The following MPRIP variants were observed in gnomAD, a reference collection of about 807,000 sequenced individuals.
MPRIP encodes myosin phosphatase Rho-interacting protein.
A neutral mutation model predicts 234.9 loss-of-function variants in MPRIP; 59 were observed. The observed-to-expected ratio is 0.25, with a 90% CI of 0.20 to 0.31. The LOEUF (loss-of-function observed/expected upper bound fraction) is 0.31. Among genes scored for constraint, MPRIP ranks in the 10% least tolerant of loss-of-function variants. The pLI is 1.00. For missense variants in MPRIP, 2,436 were observed against 3,071.0 expected (o/e 0.79, Z 4.89); for synonymous variants, 1,144 against 1,263.9 (o/e 0.91, Z 2.01).
At chr17:17,123,378 T>C (rs1258954840) in intron 3 of MPRIP, among the ~76,000 whole-genome samples, 1 of 152,112 alleles carries the variant, frequency 6.6e-6, no homozygotes, top group Admixed American at 6.5e-5. Context: ...AAAGAAAAGT[T>C]AGGCCAGGGG....
chr17:17,115,417 G>A (rs993126302), intron 3 of MPRIP, among the ~76,000 whole-genome samples: 1 of 152,186 alleles, frequency 6.6e-6, no homozygotes, highest in East Asian at 1.9e-4. Flanking sequence ...GGTGTAGAGG[G>A]CCTTCCAGGC....
intron 3 of MPRIP, among the ~76,000 whole-genome samples, chr17:17,091,952 T>G (rs1208871192): frequency 6.6e-6 from 1 of 152,202 alleles, no homozygotes. Context: ...AGAGGTCCAG[T>G]TGAATATTGT....
chr17:17,096,710 G>C (rs1285528357), intron 3 of MPRIP: 1 of 470,168 alleles, frequency 2.1e-6, no homozygotes, highest in African/African-American at 2.0e-5. Flanking sequence ...CTGGGGCTCA[G>C]CCCTGTCCTT....
chr17:17,108,989 C>T (rs530064699), intron 3 of MPRIP, among the ~76,000 whole-genome samples: 4 of 152,302 alleles, frequency 2.6e-5, no homozygotes, highest in East Asian at 3.9e-4. Flanking sequence ...CTTCTCCCGC[C>T]GGCTGTGGTG....
At chr17:17,183,910 G>A (rs1237277483) in intron 23 of MPRIP, among the ~76,000 whole-genome samples, 1 of 152,234 alleles carries the variant, frequency 6.6e-6, no homozygotes, top group Non-Finnish European at 1.5e-5. Context: ...AGTAAAGCCT[G>A]TACCTGCACC....
intron 3 of MPRIP, among the ~76,000 whole-genome samples, chr17:17,109,501 C>G (rs914015208): frequency 1.3e-5 from 2 of 152,238 alleles, no homozygotes; most frequent in East Asian, 1.9e-4. Context: ...GGAGGCTAGA[C>G]TGATCCACGG....
intron 1 of MPRIP, among the ~76,000 whole-genome samples, chr17:17,067,691 T>A (rs530172392): frequency 5.8e-4 from 88 of 152,182 alleles, no homozygotes; most frequent in Non-Finnish European, 1.1e-3. Context: ...TTTTAAAAAA[T>A]TTTGGGGTTT....
intron 1 of MPRIP, among the ~76,000 whole-genome samples, chr17:17,067,925 A>G (rs971429954): frequency 1.3e-5 from 2 of 150,882 alleles, no homozygotes; most frequent in African/African-American, 4.9e-5. Flanking sequence ...TACATATTCA[A>G]TTTCCTTAAT....
chr17:17,178,742 C>G (rs1275311931), intron 22 of MPRIP: 1 of 151,742 alleles, frequency 6.6e-6, no homozygotes, highest in Non-Finnish European at 1.5e-5. Context: ...TGGCAAAACC[C>G]TGTCTCTACA....
chr17:17,054,331 G>A (rs1435151507), intron 1 of MPRIP, among the ~76,000 whole-genome samples: 1 of 152,224 alleles, frequency 6.6e-6, no homozygotes, highest in East Asian at 1.9e-4. Context: ...GCTTCTTACT[G>A]CATAGTTTAT....
At chr17:17,168,191 CT>C (rs1270647279) in intron 16 of MPRIP, 1 of 313,630 alleles carries the variant, frequency 3.2e-6, no homozygotes, top group Non-Finnish European at 6.3e-6. Context: ...ACTTCCCTGC[CT>C]GCCTAATGCG....
Position 17,191,142 on chromosome 17 carries a change from G to T in MPRIP, c.*6248G>T, listed in dbSNP as rs562491914. On this transcript the variant is annotated 3_prime_UTR_variant, in exon 24 of 24. Transcript: ENST00000651222. The stretch of plus-strand genomic sequence containing the variant: ...CAATATCCAAAATAACGATAGCCCT[G>T]TATCCATACATTGTTTCATTGAAAG... The T allele has an allele frequency of 6.6e-6, 1 of 152,310 alleles. No individual in the cohort carries two copies. The highest frequency in any genetic ancestry group is 2.1e-4 in the South Asian group (1 of 4,818). The allele number at this position is 152,310 out of a possible 1,614,324, so 9.4% of individuals were successfully genotyped here. A position where few individuals can be genotyped will look rare whatever the true frequency, so the allele number is the denominator to read the frequency against.
At position 17,076,891 on chromosome 17, in the gene MPRIP, G is replaced by A. The variant is rs1275988426; in HGVS notation, c.201+1104G>A. ...AGATGTGCTTTTATAGTCAGTTCAC[G>A]TGGCCTCACTGCCAGTTAAACTCTG... On this transcript the variant is annotated intron_variant, in intron 2 of 23. Coordinates refer to ENST00000651222, the MANE Select transcript of MPRIP (RefSeq NM_001364716.4). 2.7e-5 allele frequency among the ~76,000 whole-genome samples: 4 copies of A among 150,562 alleles called. No individual in the cohort carries two copies. In the East Asian group the frequency reaches 5.9e-4, roughly 22 times the overall value.
intron 23 of MPRIP, 44 bp from the exon 24 acceptor site, chr17:17,184,779 C>A: frequency 6.7e-7 from 1 of 1,493,784 alleles, no homozygotes; most frequent in South Asian, 1.1e-5. Flanking sequence ...TGCAGGGGGT[C>A]TAACGGTGTG....
At chr17:17,146,144 G>A in intron 10 of MPRIP, 52 bp downstream of exon 10, 1 of 1,540,294 alleles carries the variant, frequency 6.5e-7, no homozygotes, top group Non-Finnish European at 9.0e-7. Flanking sequence ...ACAGGGTGAG[G>A]GTGAGCTGTC....
rs200022863 is a variant in MPRIP at position 17,164,324 on chromosome 17, T to C, written c.2733T>C (p.Ala911=). 14 of 1,303,354 alleles carry C rather than the reference T, an allele frequency of 1.1e-5. No individual in the cohort carries two copies. The highest frequency in any genetic ancestry group is 1.1e-5 in the Non-Finnish European group (11 of 988,952). 80.7% of individuals were successfully genotyped at this position (1,303,354 alleles called of 1,614,324 possible). A position where few individuals can be genotyped will look rare whatever the true frequency, so the allele number is the denominator to read the frequency against. Residue 911 remains alanine, a synonymous_variant, in exon 16 of 24, where the codon GCT becomes GCC. Coordinates refer to ENST00000651222, the MANE Select transcript of MPRIP (RefSeq NM_001364716.4). ...SLQARLSNAA[A]ELAIKEQALA... ...AGGCACGGCTCAGCAATGCGGCCGC[T>C]GAGCTAGCCATCAAGGAGCAGGCGC...
At position 17,165,809 on chromosome 17, in the gene MPRIP, C is replaced by T. The variant is rs1020315231; in HGVS notation, c.4218C>T (p.Ser1406=). Residue 1406 remains serine, a synonymous_variant, in exon 16 of 24, where the codon AGC becomes AGT. Coordinates refer to ENST00000651222, the MANE Select transcript of MPRIP (RefSeq NM_001364716.4). The stretch of plus-strand genomic sequence containing the variant: ...AAGACGTGACCGTGAGGCTGGAGAG[C>T]CAGCAGGGTCAGAGCCGTGAGGCAC... The part of the protein sequence containing the change: ...KLKDVTVRLE[S]QQGQSREALL... 2 of 1,304,314 alleles carry T rather than the reference C, an allele frequency of 1.5e-6. No homozygotes were observed. Among genetic ancestry groups the T allele is most frequent in the African/African-American group, 1.5e-5 (1 of 66,004 alleles). 80.8% of individuals were successfully genotyped at this position (1,304,314 alleles called of 1,614,324 possible).
In MPRIP at chr17:17,167,607, G is replaced by A. The variant is rs1406471215; in HGVS notation, c.6016G>A (p.Val2006Ile). The A allele has an allele frequency of 7.7e-7, 1 of 1,304,254 alleles. No individual in the cohort carries two copies. Among genetic ancestry groups the A allele is most frequent in the Non-Finnish European group, 1.0e-6 (1 of 988,956 alleles). The allele number at this position is 1,304,254 out of a possible 1,614,324, so 80.8% of individuals were successfully genotyped here. ...CCTGGAGGACAGGTTCCAGCTCAAG[G>A]TCCGGGAGCTGCAGACGATCCACGA... ...QTLEDRFQLK[V>I]RELQTIHEEE... Residue 2006 changes from valine (V) to isoleucine (I), a missense_variant, in exon 16 of 24, where the codon GTC becomes ATC. Coordinates refer to ENST00000651222, the MANE Select transcript of MPRIP (RefSeq NM_001364716.4). The surrounding 1 kb of genome is among the most constrained non-coding windows in gnomAD (Gnocchi z 5.9).
intron 9 of MPRIP, 108 bp downstream of exon 9, chr17:17,143,777 A>G: frequency 1.6e-6 from 1 of 625,126 alleles, no homozygotes; most frequent in South Asian, 2.7e-5. Flanking sequence ...CCCTCTGTGC[A>G]CAGGCCCTCG....
Sources: allele counts gnomAD v4.1 joint callset (sites outside exome capture counted in the v4.1 genomes callset), GRCh38; gene constraint gnomAD v4.1.1; non-coding constraint Gnocchi (gnomAD v3.1); transcripts MANE v1.5; gene names NCBI Gene and HGNC (gene_info 2026-07-23, HGNC 2026-07-21).